PIP5K1C: variants seen among roughly 807,000 people sequenced by gnomAD.
PIP5K1C encodes the protein phosphatidylinositol 4-phosphate 5-kinase type-1 gamma.
In PIP5K1C, 45 loss-of-function variants were observed where a neutral mutation model predicts 80.1. That is an observed-to-expected ratio of 0.56 (90% confidence interval 0.44 to 0.72). The LOEUF is 0.72. Ranked by LOEUF, PIP5K1C falls within the 30% of genes least tolerant of loss-of-function variation. The pLI is 0.00. For synonymous variants in PIP5K1C, 498 were observed against 420.1 expected, an observed-to-expected ratio of 1.19 and a Z score of -2.27; for missense variants, 753 against 954.6, an observed-to-expected ratio of 0.79 and a Z score of 2.78.
intron 1 of PIP5K1C, among the ~76,000 whole-genome samples, chr19:3,671,120 C>T (rs868072205): frequency 5.3e-5 from 8 of 152,210 alleles, no homozygotes; most frequent in Admixed American, 3.3e-4. Flanking sequence ...CAGACCTCAT[C>T]GGGGGCCCGG....
intron 1 of PIP5K1C, among the ~76,000 whole-genome samples, chr19:3,694,211 C>G: frequency 1.7e-5 from 1 of 57,506 alleles, no homozygotes; most frequent in Admixed American, 2.0e-4. Flanking sequence ...GACTCCATCT[C>G]AAAAAAAAAA....
Position 3,696,348 on chromosome 19 carries a change from C to T in PIP5K1C, c.94+3949G>A, listed in dbSNP as rs186219920. Among the ~76,000 whole-genome samples, 1 of 152,368 alleles carries T rather than the reference C, an allele frequency of 6.6e-6. No individual in the cohort carries two copies. Among genetic ancestry groups the T allele is most frequent in the East Asian group, 1.9e-4 (1 of 5,180 alleles). ...GGGGATGCCGCAGGAGTGGCACAGA[C>T]GGTCTTGGCCCTCGTGGAGCTCTCG... On this transcript the variant is annotated intron_variant, in intron 1 of 17. Coordinates refer to ENST00000335312, the MANE Select transcript of PIP5K1C (RefSeq NM_012398.3). The surrounding 1 kb of genome is among the most constrained non-coding windows in gnomAD (Gnocchi z 4.1).
chr19:3,650,624 C>T (rs1388459303), intron 8 of PIP5K1C, among the ~76,000 whole-genome samples: 3 of 152,348 alleles, frequency 2.0e-5, no homozygotes, highest in African/African-American at 7.2e-5. Context: ...TGAGTATCTC[C>T]CCAGCCAAAC....
intron 1 of PIP5K1C, among the ~76,000 whole-genome samples, chr19:3,683,685 C>A (rs553129951): frequency 6.6e-6 from 1 of 152,330 alleles, no homozygotes; most frequent in East Asian, 1.9e-4. Context: ...GTCTGCGTCA[C>A]CACAGCAGGG....
chr19:3,642,949 T>TA lies in PIP5K1C; in HGVS notation c.1650-11dup, dbSNP rs1157751865. 6.2e-7 allele frequency: 1 copy of TA among 1,613,448 alleles called. No homozygotes were observed. The highest frequency in any genetic ancestry group is 1.1e-5 in the South Asian group (1 of 91,080). ...CGACTGTGTGCGCCGCCTGCAGAGA[T>TA]ACAGCAAACACGTGACACCCAGAAA... is the stretch of plus-strand genomic sequence containing the variant. On this transcript the variant is annotated splice_polypyrimidine_tract_variant and intron_variant, in intron 13 of 17. Coordinates refer to ENST00000335312, the MANE Select transcript of PIP5K1C (RefSeq NM_012398.3).
Position 3,661,981 on chromosome 19 carries a change from C to T in PIP5K1C, c.240G>A (p.Lys80=). The T allele has an allele frequency of 1.9e-6, 3 of 1,604,212 alleles. No individual in the cohort carries two copies. Among genetic ancestry groups the T allele is most frequent in the Non-Finnish European group, 2.5e-6 (3 of 1,176,732 alleles). Residue 80 remains lysine, a synonymous_variant, in exon 4 of 18, where the codon AAG becomes AAA. Transcript: ENST00000335312. ...TYKKTTSSTL[K]GAIQLGIGYT... ...AGCCGATGCCCAGCTGGATGGCACC[C>T]TTCAGGGTGGAGGAGGTGGTCTGCA...
intron 1 of PIP5K1C, among the ~76,000 whole-genome samples, chr19:3,671,015 C>G (rs552325479): frequency 6.6e-6 from 1 of 152,302 alleles, no homozygotes; most frequent in African/African-American, 2.4e-5. Flanking sequence ...GTTGGCGGCC[C>G]GGGAGCAGAA....
At chr19:3,638,123 A>T in intron 16 of PIP5K1C, 6 of 1,313,472 alleles carry the variant, frequency 4.6e-6, no homozygotes, top group Non-Finnish European at 6.1e-6. Flanking sequence ...GGTGAGAACA[A>T]ACCATCTGGG....
chr19:3,661,723 C>T (rs1270155286), intron 4 of PIP5K1C, 148 bp downstream of exon 4: 25 of 880,882 alleles, frequency 2.8e-5, no homozygotes, highest in Non-Finnish European at 4.0e-5. Flanking sequence ...AACGTCCTGA[C>T]GGACAGAGGG....
intron 15 of PIP5K1C, among the ~76,000 whole-genome samples, chr19:3,640,084 G>A (rs1293930310): frequency 1.3e-5 from 2 of 152,212 alleles, no homozygotes; most frequent in Admixed American, 1.3e-4. Context: ...TTGGGTCTAC[G>A]CTGCTGTGAG....
rs1170057410 is a variant in PIP5K1C at position 3,688,208 on chromosome 19, G to A, written c.94+12089C>T. On this transcript the variant is annotated intron_variant, in intron 1 of 17. Transcript: ENST00000335312. This position sits in a 1 kb window ranked among gnomAD's most constrained non-coding sequence, Gnocchi z 5.3. ...CGTCTCCAGCACAGCAGAGGTGGACGCCCCTCGCGGCTGGCTCCCCAGCGT... is the reference window on the plus strand; with the variant it reads ...CGTCTCCAGCACAGCAGAGGTGGACACCCCTCGCGGCTGGCTCCCCAGCGT... Among the ~76,000 whole-genome samples the A allele has an allele frequency of 6.6e-6, 1 of 152,204 alleles. No individual in the cohort carries two copies. The highest frequency in any genetic ancestry group is 1.5e-5 in the Non-Finnish European group (1 of 68,026).
chr19:3,682,380 A>C (rs1600075389), intron 1 of PIP5K1C, among the ~76,000 whole-genome samples: 1 of 151,076 alleles, frequency 6.6e-6, no homozygotes, highest in East Asian at 2.0e-4. Context: ...TCTAAAAAAA[A>C]AAAAAAAAAG....
chr19:3,698,783 G>A (rs925911306), intron 1 of PIP5K1C, among the ~76,000 whole-genome samples: 3 of 152,144 alleles, frequency 2.0e-5, no homozygotes, highest in Admixed American at 6.5e-5. Flanking sequence ...ACTCACCAGC[G>A]CTAACATCAG....
At chr19:3,654,935 C>T (rs2034569899) in intron 6 of PIP5K1C, among the ~76,000 whole-genome samples, 1 of 151,630 alleles carries the variant, frequency 6.6e-6, no homozygotes, top group African/African-American at 2.4e-5. Context: ...CGGTGAAACC[C>T]CATCTCTACT....
chr19:3,653,239 C>T, intron 7 of PIP5K1C, 51 bp downstream of exon 7: 1 of 1,563,394 alleles, frequency 6.4e-7, no homozygotes, highest in Non-Finnish European at 8.7e-7. Flanking sequence ...GAGCCCTCAC[C>T]ACGCAGTCCC....
intron 1 of PIP5K1C, among the ~76,000 whole-genome samples, chr19:3,667,777 C>G (rs927490184): frequency 1.3e-5 from 2 of 151,242 alleles, no homozygotes; most frequent in Admixed American, 6.6e-5. Flanking sequence ...AACAACTGAG[C>G]AGGTCTGAAC....
At chr19:3,694,269 C>T (rs936709979) in intron 1 of PIP5K1C, among the ~76,000 whole-genome samples, 1 of 152,038 alleles carries the variant, frequency 6.6e-6, no homozygotes, top group African/African-American at 2.4e-5. Flanking sequence ...CAGAGGCACA[C>T]GGGTCTAAGC....
Position 3,641,748 on chromosome 19 carries a change from C to A in PIP5K1C, c.1744G>T (p.Ala582Ser). The A allele has an allele frequency of 6.2e-7, 1 of 1,611,590 alleles. No homozygotes were observed. The highest frequency in any genetic ancestry group is 8.5e-7 in the Non-Finnish European group (1 of 1,180,014). ...GGGACCACAATCTCCACGCTGCACG[C>A]AGGCTCCACCTGCACTGTAATCTGC... ...LQQITVQVEPACSVEIVVPKE... is the reference protein window; with the variant it reads ...LQQITVQVEPSCSVEIVVPKE... Residue 582 changes from alanine (A) to serine (S), a missense_variant, in exon 15 of 18, where the codon GCG (alanine) becomes TCG (serine). Transcript: ENST00000335312.
At chr19:3,690,482 T>TA (rs370234161) in intron 1 of PIP5K1C, among the ~76,000 whole-genome samples, 26,546 of 136,972 alleles carry the variant, frequency 0.19, 2,706 homozygotes, top group African/African-American at 0.28. Flanking sequence ...GACCCTGTCT[T>TA]AAAAAAAAAA....
Sources: allele counts gnomAD v4.1 joint callset (sites outside exome capture counted in the v4.1 genomes callset), GRCh38; gene constraint gnomAD v4.1.1; non-coding constraint Gnocchi (gnomAD v3.1); transcripts MANE v1.5; gene names NCBI Gene and HGNC (gene_info 2026-07-23, HGNC 2026-07-21).